DMD: variants seen among roughly 807,000 people sequenced by gnomAD.
DMD encodes dystrophin, also known as mutant dystrophin.
In DMD, 63 loss-of-function variants were observed where a neutral mutation model predicts 330.1. That is an observed-to-expected ratio of 0.19 (90% confidence interval 0.16 to 0.24). The LOEUF is 0.24. Among genes scored for constraint, DMD ranks in the 10% least tolerant of loss-of-function variants. DMD has a pLI of 1.00. For missense variants in DMD, 3,344 were observed against 2,684.1 expected (o/e 1.25, Z -5.43); for synonymous variants, 1,223 against 959.8 (o/e 1.27, Z -5.07).
intron 57 of DMD, among the ~76,000 whole-genome samples, chrX:31,484,422 G>T (rs2068629829): frequency 9.0e-6 from 1 of 111,616 alleles, no homozygotes; most frequent in African/African-American, 3.3e-5. Flanking sequence ...TGAATCCCTT[G>T]AACAGATAAA....
At chrX:32,267,141 T>A (rs2097347795) in intron 43 of DMD, among the ~76,000 whole-genome samples, 1 of 112,244 alleles carries the variant, frequency 8.9e-6, no homozygotes, top group South Asian at 3.7e-4. Flanking sequence ...TAATTTTGAG[T>A]TCTCTTTCTT....
chrX:32,869,725 C>T (rs1187283857), intron 2 of DMD, among the ~76,000 whole-genome samples: 10 of 109,721 alleles, frequency 9.1e-5, no homozygotes, highest in African/African-American at 2.3e-4. Context: ...AATGAATAGA[C>T]GCAGAAAAGT....
At chrX:32,201,466 AACACCCC>A (rs753111872) in intron 44 of DMD, among the ~76,000 whole-genome samples, 2,762 of 76,639 alleles carry the variant, frequency 0.036, 124 homozygotes, top group African/African-American at 0.12. Flanking sequence ...TGCAAATTCA[AACACCCC>A]CCCCCCCCCC....
At chrX:32,582,928 C>T (rs183084625) in intron 13 of DMD, among the ~76,000 whole-genome samples, 3 of 111,552 alleles carry the variant, frequency 2.7e-5, no homozygotes, top group Non-Finnish European at 5.6e-5. Flanking sequence ...AATGATAGCA[C>T]GCCTATCTCC....
chrX:32,285,989 C>T (rs1195694424), intron 43 of DMD, among the ~76,000 whole-genome samples: 1 of 111,284 alleles, frequency 9.0e-6, no homozygotes, highest in Non-Finnish European at 1.9e-5. Flanking sequence ...CATGAGCCAC[C>T]GCACCTGCCC....
At chrX:32,024,098 G>GAAAAAAAGA (rs1198347699) in intron 44 of DMD, among the ~76,000 whole-genome samples, 1 of 111,129 alleles carries the variant, frequency 9.0e-6, no homozygotes, top group East Asian at 2.8e-4. Flanking sequence ...ATTATAAAAA[G>GAAAAAAAGA]AAAAAAAGAA....
At chrX:32,828,475 C>A (rs1255283133) in intron 4 of DMD, among the ~76,000 whole-genome samples, 1 of 109,938 alleles carries the variant, frequency 9.1e-6, no homozygotes, top group Non-Finnish European at 1.9e-5. Context: ...CACACACACT[C>A]TGCTCTAGTA....
At chrX:31,225,934 T>C (rs1223819290) in intron 63 of DMD, among the ~76,000 whole-genome samples, 1 of 112,127 alleles carries the variant, frequency 8.9e-6, no homozygotes, top group Non-Finnish European at 1.9e-5. Flanking sequence ...TGCTCCTAAG[T>C]GACAGAACTT....
chrX:32,470,431 T>C (rs372121026), intron 22 of DMD, among the ~76,000 whole-genome samples: 42 of 109,695 alleles, frequency 3.8e-4, no homozygotes, highest in East Asian at 2.0e-3. Context: ...TATTTTGGTG[T>C]AACTTTGGGG....
At chrX:31,963,181 G>A (rs1462954998) in intron 45 of DMD, among the ~76,000 whole-genome samples, 1 of 111,714 alleles carries the variant, frequency 9.0e-6, no homozygotes, top group African/African-American at 3.3e-5. Context: ...AATTAGATAA[G>A]GCTCATTTCT....
chrX:33,008,109 G>A (rs912552393), intron 2 of DMD, among the ~76,000 whole-genome samples: 6 of 111,588 alleles, frequency 5.4e-5, no homozygotes, highest in East Asian at 2.8e-4. Context: ...GGACAAGACC[G>A]AAAGTGATCA....
At chrX:33,006,793 T>G (rs2093405943) in intron 2 of DMD, among the ~76,000 whole-genome samples, 1 of 111,310 alleles carries the variant, frequency 9.0e-6, no homozygotes, top group Non-Finnish European at 1.9e-5. Flanking sequence ...AAAACTAAAA[T>G]TATTTTCAAT....
At chrX:33,240,973 G>A (rs2052577871) in intron 1 of DMD, among the ~76,000 whole-genome samples, 1 of 112,040 alleles carries the variant, frequency 8.9e-6, no homozygotes, top group Non-Finnish European at 1.9e-5. Context: ...CTTATAAGAT[G>A]TATGGTGTAC....
chrX:32,032,589 A>C (rs986795920), intron 44 of DMD, among the ~76,000 whole-genome samples: 10 of 111,528 alleles, frequency 9.0e-5, no homozygotes, highest in African/African-American at 3.3e-4. Flanking sequence ...GGTTAGCCCA[A>C]TTTAGGCCAT....
chrX:32,533,415 T>C (rs1569146896), intron 17 of DMD, among the ~76,000 whole-genome samples: 1 of 111,992 alleles, frequency 8.9e-6, no homozygotes, highest in Non-Finnish European at 1.9e-5. Flanking sequence ...CATACAGGCT[T>C]TCCCCTGCAA....
At chrX:31,610,832 T>C (rs192801867) in intron 55 of DMD, among the ~76,000 whole-genome samples, 1 of 111,580 alleles carries the variant, frequency 9.0e-6, no homozygotes, top group African/African-American at 3.3e-5. Flanking sequence ...ATGGCTCTGA[T>C]GGAGGCATGG....
At chrX:32,475,700 G>A (rs908688406) in intron 21 of DMD, among the ~76,000 whole-genome samples, 2 of 110,990 alleles carry the variant, frequency 1.8e-5, no homozygotes, top group Non-Finnish European at 3.8e-5. Context: ...GTATACAGAA[G>A]AGCTACTGAT....
chrX:31,329,969 C>CAAAAA (rs142353794), intron 61 of DMD, among the ~76,000 whole-genome samples: 5 of 12,883 alleles, frequency 3.9e-4, no homozygotes, highest in East Asian at 3.3e-3. Flanking sequence ...GATTCCATCT[C>CAAAAA]AAAAAAAAAA....
chrX:31,805,435 G>A (rs1221929142), intron 50 of DMD, among the ~76,000 whole-genome samples: 2 of 111,408 alleles, frequency 1.8e-5, no homozygotes, highest in African/African-American at 3.3e-5. Context: ...CCATAATATC[G>A]AAATTATTAC....
Sources: allele counts gnomAD v4.1 joint callset (sites outside exome capture counted in the v4.1 genomes callset), GRCh38; gene constraint gnomAD v4.1.1; transcripts MANE v1.5; gene names NCBI Gene and HGNC (gene_info 2026-07-23, HGNC 2026-07-21).